The following PRKAR1A variants were observed in gnomAD, a reference collection of about 807,000 sequenced individuals.
PRKAR1A encodes protein kinase cAMP-dependent type I regulatory subunit alpha, also known as cAMP-dependent protein kinase type I-alpha regulatory subunit.
Under a neutral mutation model 52.0 loss-of-function variants are expected in PRKAR1A, and 3 were observed. That is an observed-to-expected ratio of 0.06 (90% confidence interval 0.03 to 0.15). The LOEUF is 0.15. Among genes scored for constraint, PRKAR1A ranks in the 10% least tolerant of loss-of-function variants. The pLI, the probability that PRKAR1A is intolerant of heterozygous loss-of-function variation, is 1.00. For missense variants in PRKAR1A, 240 were observed against 477.4 expected (o/e 0.50, Z 4.63); for synonymous variants, 188 against 168.4 (o/e 1.12, Z -0.90).
the PRKAR1A span, chr17:68,422,694 A>T: frequency 7.6e-6 from 1 of 131,506 alleles, no homozygotes; most frequent in South Asian, 2.6e-4. Context: ...ACGCCAACAC[A>T]TTCTAGCCTG....
At chr17:68,458,041 A>G in the PRKAR1A span, among the ~76,000 whole-genome samples, 1 of 152,090 alleles carries the variant, frequency 6.6e-6, no homozygotes, top group Non-Finnish European at 1.5e-5. Context: ...AAACTTACAG[A>G]GTTTAGCAGA....
intron 11 of PRKAR1A, chr17:68,540,910 CG>C: frequency 3.7e-6 from 6 of 1,604,132 alleles, no homozygotes; most frequent in African/African-American, 1.3e-5. Flanking sequence ...TGTTGTTGTA[CG>C]GGTAGATCTG....
downstream of PRKAR1A, among the ~76,000 whole-genome samples, chr17:68,534,581 A>G (rs911643726): frequency 3.0e-5 from 2 of 67,372 alleles, no homozygotes; most frequent in Non-Finnish European, 6.4e-5. Context: ...TTTTTTTTGC[A>G]TTTTTGTATT....
chr17:68,523,657 G>A (rs1274112848), intron 3 of PRKAR1A, 68 bp from the exon 4 acceptor site: 1 of 1,210,688 alleles, frequency 8.3e-7, no homozygotes, highest in East Asian at 2.3e-5. Flanking sequence ...TTTAATTGAA[G>A]CGCAGGTTGC....
chr17:68,415,815 G>T, the PRKAR1A span, among the ~76,000 whole-genome samples: 5 of 152,108 alleles, frequency 3.3e-5, no homozygotes, highest in Admixed American at 3.3e-4. Flanking sequence ...AGTTGGTTTT[G>T]TCTGATATAA....
At chr17:68,461,733 G>A in the PRKAR1A span, among the ~76,000 whole-genome samples, 1 of 152,164 alleles carries the variant, frequency 6.6e-6, no homozygotes, top group Non-Finnish European at 1.5e-5. This position sits in a 1 kb window ranked among gnomAD's most constrained non-coding sequence, Gnocchi z 4.6. Flanking sequence ...GAAGGGCCCT[G>A]GGACAATGGA....
chr17:68,464,979 G>T, the PRKAR1A span, among the ~76,000 whole-genome samples: 2 of 150,236 alleles, frequency 1.3e-5, no homozygotes, highest in Admixed American at 6.6e-5. Flanking sequence ...AGGCTGGAGT[G>T]CAGTGGCGTG....
At chr17:68,439,365 A>C in the PRKAR1A span, among the ~76,000 whole-genome samples, 1 of 152,222 alleles carries the variant, frequency 6.6e-6, no homozygotes, top group Admixed American at 6.5e-5. Context: ...TATGTGAAAG[A>C]AGTCAGTCAC....
At position 68,530,759 on chromosome 17, in the gene PRKAR1A, A is replaced by G. The variant is rs1600497436; in HGVS notation, c.*310A>G. ...TTGGTGAGGGCAGATCCCAGCACCT[A>G]TTGAATTACCATAGAGTAATGATGT... is the stretch of plus-strand genomic sequence containing the variant. On this transcript the variant is annotated 3_prime_UTR_variant, in exon 11 of 11. Coordinates refer to ENST00000589228, the MANE Select transcript of PRKAR1A (RefSeq NM_002734.5). 17 of 1,316,404 alleles carry G rather than the reference A, an allele frequency of 1.3e-5. 1 individual carries two copies. In the South Asian group the frequency reaches 2.5e-4, roughly 19 times the overall value. The allele number at this position is 1,316,404 out of a possible 1,614,324, so 81.5% of individuals were successfully genotyped here. A position where few individuals can be genotyped will look rare whatever the true frequency, so the allele number is the denominator to read the frequency against.
At chr17:68,537,932 C>A (rs2086142655), downstream of PRKAR1A, among the ~76,000 whole-genome samples, 1 of 152,190 alleles carries the variant, frequency 6.6e-6, no homozygotes, top group South Asian at 2.1e-4. This position sits in a 1 kb window ranked among gnomAD's most constrained non-coding sequence, Gnocchi z 4.2. Context: ...TCCTGCAGTC[C>A]TTTGCCCAAT....
At chr17:68,483,907 A>G in the PRKAR1A span, among the ~76,000 whole-genome samples, 1 of 151,934 alleles carries the variant, frequency 6.6e-6, no homozygotes, top group Non-Finnish European at 1.5e-5. Context: ...TTGTCCATAT[A>G]TGTGTGTGTT....
chr17:68,537,312 G>T, downstream of PRKAR1A: 1 of 885,910 alleles, frequency 1.1e-6, no homozygotes. The surrounding 1 kb of genome is among the most constrained non-coding windows in gnomAD (Gnocchi z 4.2). Flanking sequence ...AAGGAGTAAA[G>T]ATTCAGTTCC....
chr17:68,484,909 G>A, the PRKAR1A span, among the ~76,000 whole-genome samples: 13 of 152,186 alleles, frequency 8.5e-5, no homozygotes, highest in Admixed American at 7.9e-4. Context: ...ATAGTTCAAG[G>A]CAAAGTTAAA....
chr17:68,517,543 G>A (rs976947675), intron 2 of PRKAR1A, among the ~76,000 whole-genome samples: 2 of 152,160 alleles, frequency 1.3e-5, no homozygotes, highest in East Asian at 1.9e-4. Context: ...TTATGAAACC[G>A]TCAGCTATCG....
At chr17:68,425,823 C>G in the PRKAR1A span, 1 of 403,310 alleles carries the variant, frequency 2.5e-6, no homozygotes, top group Non-Finnish European at 4.4e-6. Context: ...TGGAGGGAGG[C>G]CACCAAGACT....
the PRKAR1A span, chr17:68,430,015 TC>T: frequency 3.1e-6 from 5 of 1,614,066 alleles, no homozygotes; most frequent in Non-Finnish European, 4.2e-6. Flanking sequence ...GTACAGATGT[TC>T]CTCTGTCCGG....
the PRKAR1A span, among the ~76,000 whole-genome samples, chr17:68,492,662 A>C: frequency 5.1e-3 from 779 of 152,294 alleles, 15 homozygotes; most frequent in African/African-American, 0.018. Context: ...CAAGTATGCT[A>C]CTGGCGGTGA....
At chr17:68,457,503 G>A in the PRKAR1A span, 2 of 1,215,272 alleles carry the variant, frequency 1.6e-6, no homozygotes, top group Non-Finnish European at 2.1e-6. Flanking sequence ...CCACGGGCCG[G>A]GTCGCCGGTC....
At chr17:68,483,189 T>C in the PRKAR1A span, among the ~76,000 whole-genome samples, 1 of 152,014 alleles carries the variant, frequency 6.6e-6, no homozygotes, top group Non-Finnish European at 1.5e-5. Flanking sequence ...ATCAAATTGC[T>C]CCAGCACCGG....
Sources: gnomAD v4.1 joint callset for allele counts (sites outside exome capture counted in the v4.1 genomes callset) on GRCh38, gnomAD v4.1.1 for gene constraint, Gnocchi (gnomAD v3.1) non-coding constraint, MANE v1.5 for transcripts, NCBI Gene and HGNC (gene_info 2026-07-23, HGNC 2026-07-21) for gene names.